Variants in MRPS18C observed in about 807,000 individuals in gnomAD.
MRPS18C encodes small ribosomal subunit protein bS18m.
In MRPS18C, 21 loss-of-function variants were observed where a neutral mutation model predicts 21.0. That is an observed-to-expected ratio of 1.00 (90% confidence interval 0.71 to 1.44). The LOEUF (loss-of-function observed/expected upper bound fraction) is 1.44. MRPS18C is among the 40% of genes most tolerant of loss of function. The probability of loss-of-function intolerance (pLI) is 0.00; values close to 1 mark genes in which losing one functional copy is unlikely to be tolerated. For missense variants in MRPS18C, 152 were observed against 171.5 expected (o/e 0.89, Z 0.64); for synonymous variants, 65 against 54.3 (o/e 1.20, Z -0.87).
chr4:83,459,144 C>CAAAA (rs59202184), intron 3 of MRPS18C: 58 of 47,964 alleles, frequency 1.2e-3, no homozygotes, highest in Non-Finnish European at 1.9e-3. Context: ...AAAACTCTGT[C>CAAAA]AAAAAAAAAA....
At chr4:83,457,202 A>G (rs1165658464) in intron 2 of MRPS18C, 4 of 370,014 alleles carry the variant, frequency 1.1e-5, no homozygotes, top group South Asian at 8.5e-5. Context: ...CAAAGCTGCT[A>G]TAATACCATA....
rs567705389 is a variant in MRPS18C at position 83,456,076 on chromosome 4, C to G, written c.-2C>G. The G allele has an allele frequency of 6.2e-7, 1 of 1,612,224 alleles. No individual in the cohort carries two copies. The highest frequency in any genetic ancestry group is 1.3e-5 in the African/African-American group (1 of 74,856). On this transcript the variant is annotated 5_prime_UTR_variant, in exon 1 of 6. Coordinates refer to ENST00000295491, the MANE Select transcript of MRPS18C (RefSeq NM_016067.4). ...GAAAGGAAGTGGAAGAAACGCGGAA[C>G]CATGGCCGCTGTGGTTGCTGTTTGC...
chr4:83,462,138 C>A lies in MRPS18C; in HGVS notation c.*941C>A. On this transcript the variant is annotated 3_prime_UTR_variant, in exon 6 of 6. Transcript: ENST00000295491. ...TAACTCCTAACTTCAATCAATCCTC[C>A]TGACTTGTCTTCCCTAAGTGCTGGG... The A allele has an allele frequency of 3.7e-6, 1 of 268,308 alleles. No individual in the cohort carries two copies. The highest frequency in any genetic ancestry group is 5.2e-5 in the Admixed American group (1 of 19,414). 16.6% of individuals were successfully genotyped at this position (268,308 alleles called of 1,614,324 possible). A position where few individuals can be genotyped will look rare whatever the true frequency, so the allele number is the denominator to read the frequency against.
In MRPS18C at chr4:83,456,897, G is replaced by T; in HGVS notation, c.101-12G>T. 1.9e-6 allele frequency: 3 copies of T among 1,610,326 alleles called. No individual in the cohort carries two copies. The highest frequency in any genetic ancestry group is 2.5e-6 in the Non-Finnish European group (3 of 1,179,314). On this transcript the variant is annotated splice_polypyrimidine_tract_variant and intron_variant, in intron 1 of 5. Transcript: ENST00000295491. Reference sequence around the variant, plus strand: ...AAAGAAATGGTTAATTGCTGTTTCTGTTTAATCGCAGTGCTTTGGAGAAGA... The same window carrying T: ...AAAGAAATGGTTAATTGCTGTTTCTTTTTAATCGCAGTGCTTTGGAGAAGA...
chr4:83,462,289 G>T lies in MRPS18C; in HGVS notation c.*1092G>T. ...AGGTTTGGAAATAAAAGCATCTGAT[G>T]TTTGAAAAAGTACTTTGTGAAGTAA... On this transcript the variant is annotated 3_prime_UTR_variant, in exon 6 of 6. Transcript: ENST00000295491. The T allele has an allele frequency of 1.7e-6, 1 of 581,460 alleles. No individual in the cohort carries two copies. Among genetic ancestry groups the T allele is most frequent in the Non-Finnish European group, 3.0e-6 (1 of 336,778 alleles). The allele number at this position is 581,460 out of a possible 1,614,324, so 36.0% of individuals were successfully genotyped here.
At position 83,461,141 on chromosome 4, in the gene MRPS18C, A is replaced by G; in HGVS notation, c.373A>G (p.Lys125Glu). 1 of 1,613,576 alleles carries G rather than the reference A, an allele frequency of 6.2e-7. No individual in the cohort carries two copies. Among genetic ancestry groups the G allele is most frequent in the South Asian group, 1.1e-5 (1 of 91,058 alleles). Residue 125 changes from lysine (K) to glutamate (E), a missense_variant, in exon 6 of 6, where the codon AAG (lysine) becomes GAG (glutamate). By Grantham distance (56) the Lys-to-Glu change is moderately conservative. Around this residue, in one of 2 missense-constraint regions of MRPS18C, gnomAD observed 34 missense variants for 67.1 expected, o/e 0.51. Coordinates refer to ENST00000295491, the MANE Select transcript of MRPS18C (RefSeq NM_016067.4). The part of the protein sequence containing the change: ...QIMGFMPVTY[K>E]DPAYLKDPKV... The stretch of plus-strand genomic sequence containing the variant: ...TACAGGGTTTATGCCAGTTACATAC[A>G]AGGATCCTGCATATCTCAAGGACCC...
Position 83,458,379 on chromosome 4 carries a change from C to T in MRPS18C, c.184C>T (p.Leu62Phe), listed in dbSNP as rs771804743. ...ISMENPYKEPLKKCILCGKHV... is the reference protein window; with the variant it reads ...ISMENPYKEPFKKCILCGKHV... ...AATGGAAAATCCTTATAAAGAACCTCTTAAGAAATGTATCTTGTGTGGAAA... is the reference window on the plus strand; with the variant it reads ...AATGGAAAATCCTTATAAAGAACCTTTTAAGAAATGTATCTTGTGTGGAAA... The change falls in exon 3 of 6, where the codon CTT becomes TTT. Residue 62 changes from leucine to phenylalanine, a missense_variant. Transcript: ENST00000295491. 5 of 1,605,794 alleles carry T rather than the reference C, an allele frequency of 3.1e-6. No homozygotes were observed. The highest frequency in any genetic ancestry group is 4.3e-6 in the Non-Finnish European group (5 of 1,173,848).
At chr4:83,459,952 C>A in intron 4 of MRPS18C, 155 bp downstream of exon 4, 1 of 574,964 alleles carries the variant, frequency 1.7e-6, no homozygotes, top group Non-Finnish European at 3.0e-6. Context: ...GAAAAAGTCT[C>A]TTAGGCCAAG....
chr4:83,462,220 C>G lies in MRPS18C; in HGVS notation c.*1023C>G. 1 of 162,434 alleles carries G rather than the reference C, an allele frequency of 6.2e-6. No homozygotes were observed. Among genetic ancestry groups the G allele is most frequent in the South Asian group, 1.0e-4 (1 of 9,616 alleles). The allele number at this position is 162,434 out of a possible 1,614,324, so 10.1% of individuals were successfully genotyped here. The stretch of plus-strand genomic sequence containing the variant: ...ACTTTTCCAATTCTAAAGAATGTGT[C>G]TGTGTAAGCCTTCCCCTCAACAACT... On this transcript the variant is annotated 3_prime_UTR_variant, in exon 6 of 6. Coordinates refer to ENST00000295491, the MANE Select transcript of MRPS18C (RefSeq NM_016067.4).
rs1218010085 is a variant in MRPS18C at position 83,461,417 on chromosome 4, T to C, written c.*220T>C. ...GAATAAAAGTGGTTCTGTGTGATTG[T>C]CATTTATATCTGATCCCCAAATAGC... is the stretch of plus-strand genomic sequence containing the variant. On this transcript the variant is annotated 3_prime_UTR_variant, in exon 6 of 6. Transcript: ENST00000295491. 22 of 494,512 alleles carry C rather than the reference T, an allele frequency of 4.4e-5. No homozygotes were observed. In the Admixed American group the frequency reaches 7.2e-4, roughly 16 times the overall value. 30.6% of individuals were successfully genotyped at this position (494,512 alleles called of 1,614,324 possible). A position where few individuals can be genotyped will look rare whatever the true frequency, so the allele number is the denominator to read the frequency against.
chr4:83,457,602 GAAAGT>G (rs1721906887), intron 2 of MRPS18C: 1 of 152,224 alleles, frequency 6.6e-6, no homozygotes, highest in African/African-American at 2.4e-5. Flanking sequence ...CATACTTTAA[GAAAGT>G]AAAGGGACAT....
At chr4:83,460,938 AT>A (rs779054803) in intron 4 of MRPS18C, 34 bp from the exon 5 acceptor site, 1 of 1,571,798 alleles carries the variant, frequency 6.4e-7, no homozygotes, top group African/African-American at 1.4e-5. Flanking sequence ...AAATATTGAC[AT>A]TTTTTATGAA....
chr4:83,457,655 A>C (rs768531477), intron 2 of MRPS18C: 9 of 152,410 alleles, frequency 5.9e-5, no homozygotes, highest in Non-Finnish European at 1.2e-4. Context: ...CTTTGTCTCT[A>C]ATCAAAGTTA....
In MRPS18C at chr4:83,461,215, C is replaced by T. The variant is rs749767506; in HGVS notation, c.*18C>T. The T allele has an allele frequency of 6.2e-7, 1 of 1,603,250 alleles. No individual in the cohort carries two copies. The highest frequency in any genetic ancestry group is 1.3e-5 in the African/African-American group (1 of 74,642). ...GGGAATAAATTCTATCACGTTACCA[C>T]TAATAAACTTATTTTACAGTAAGTG... On this transcript the variant is annotated 3_prime_UTR_variant, in exon 6 of 6. Transcript: ENST00000295491.
intron 3 of MRPS18C, 101 bp downstream of exon 3, chr4:83,458,530 C>T: frequency 2.4e-6 from 2 of 825,938 alleles, no homozygotes; most frequent in South Asian, 3.6e-5. Context: ...GTAGAGGTAA[C>T]TGTTTTAGCA....
chr4:83,456,529 C>T (rs974842295), intron 1 of MRPS18C, among the ~76,000 whole-genome samples: 1 of 152,098 alleles, frequency 6.6e-6, no homozygotes, highest in African/African-American at 2.4e-5. Context: ...GCAATTTTAT[C>T]TTCTCTGTGC....
Position 83,461,281 on chromosome 4 carries a change from A to G in MRPS18C, c.*84A>G. On this transcript the variant is annotated 3_prime_UTR_variant, in exon 6 of 6. Coordinates refer to ENST00000295491, the MANE Select transcript of MRPS18C (RefSeq NM_016067.4). The stretch of plus-strand genomic sequence containing the variant: ...TACTGACTCAAACCAACCTTTGGAT[A>G]GAAAAGTGTTTGAGGAGTGAGGTAA... 1 of 1,197,084 alleles carries G rather than the reference A, an allele frequency of 8.4e-7. No individual in the cohort carries two copies. 74.2% of individuals were successfully genotyped at this position (1,197,084 alleles called of 1,614,324 possible).
chr4:83,457,003 C>G (rs2110025989), intron 2 of MRPS18C, 45 bp downstream of exon 2: 3 of 1,527,182 alleles, frequency 2.0e-6, no homozygotes, highest in East Asian at 2.3e-5. Context: ...CAAATATGAC[C>G]AAAATGTTTT....
chr4:83,462,055 G>C lies in MRPS18C; in HGVS notation c.*858G>C, dbSNP rs1722137749. The C allele has an allele frequency of 4.3e-6, 1 of 230,278 alleles. No individual in the cohort carries two copies. The highest frequency in any genetic ancestry group is 8.6e-6 in the Non-Finnish European group (1 of 116,430). 14.3% of individuals were successfully genotyped at this position (230,278 alleles called of 1,614,324 possible). A position where few individuals can be genotyped will look rare whatever the true frequency, so the allele number is the denominator to read the frequency against. On this transcript the variant is annotated 3_prime_UTR_variant, in exon 6 of 6. Coordinates refer to ENST00000295491, the MANE Select transcript of MRPS18C (RefSeq NM_016067.4). ...ATATTTTGAAAATAAGGCTATTCTT[G>C]CTTTTCCATTTTATTTTTTAATAGA...
Sources: allele counts gnomAD v4.1 joint callset (sites outside exome capture counted in the v4.1 genomes callset), GRCh38; gene constraint gnomAD v4.1.1; regional missense constraint gnomAD v4.1.1; transcripts MANE v1.5; gene names NCBI Gene and HGNC (gene_info 2026-07-23, HGNC 2026-07-21).